TRMT112: variants seen among roughly 807,000 people sequenced by gnomAD.
TRMT112 encodes the protein multifunctional methyltransferase subunit TRM112-like protein.
TRMT112 carries 9 observed loss-of-function variants against 13.8 expected under a neutral mutation model. The observed-to-expected ratio is 0.65, with a 90% CI of 0.39 to 1.14. The LOEUF (loss-of-function observed/expected upper bound fraction) is 1.14, where lower values mean the gene tolerates loss of function less well. Ranked by LOEUF, TRMT112 falls within the 50% of genes most tolerant of loss-of-function variation. The pLI is 0.01. For synonymous variants in TRMT112, 64 were observed against 67.0 expected (o/e 0.96, Z 0.22); for missense variants, 196 against 165.5 (o/e 1.18, Z -1.01).
chr11:64,317,906 G>T, upstream of TRMT112: 17 of 1,351,528 alleles, frequency 1.3e-5, no homozygotes, highest in Non-Finnish European at 1.6e-5. Context: ...TTCGGTTAAG[G>T]GGCAGAAATA....
At chr11:64,318,174 G>A, upstream of TRMT112, 5 of 1,608,052 alleles carry the variant, frequency 3.1e-6, no homozygotes, top group Non-Finnish European at 4.2e-6. Flanking sequence ...TGCTGCGGTG[G>A]CACCAGCCAG....
chr11:64,316,609 G>C lies in TRMT112; in HGVS notation c.*252C>G. The C allele has an allele frequency of 2.1e-6, 1 of 476,946 alleles. No homozygotes were observed. The highest frequency in any genetic ancestry group is 3.8e-6 in the Non-Finnish European group (1 of 262,992). The allele number at this position is 476,946 out of a possible 1,614,324, so 29.5% of individuals were successfully genotyped here. On this transcript the variant is annotated 3_prime_UTR_variant, in exon 4 of 4. Coordinates refer to ENST00000544844, the MANE Select transcript of TRMT112 (RefSeq NM_016404.3). The stretch of plus-strand genomic sequence containing the variant: ...TTGGGTTTGGCCAGGGAGGCGCAGG[G>C]ACATGGGGCAAGCCAGGGCCCAGAG...
At chr11:64,317,917 C>T, upstream of TRMT112, 1 of 1,365,520 alleles carries the variant, frequency 7.3e-7, no homozygotes, top group East Asian at 3.0e-5. Context: ...GGCAGAAATA[C>T]CGCCCTATCT....
upstream of TRMT112, chr11:64,317,758 C>G (rs1591252134): frequency 4.0e-6 from 3 of 757,508 alleles, no homozygotes; most frequent in Non-Finnish European, 6.0e-6. Context: ...GCACGCCCAG[C>G]TTTTTTTTGC....
Position 64,317,379 on chromosome 11 carries a change from GA to G in TRMT112, c.79-15del. ...GACCTCGGTGGCCTGCAGGGCGGAG[GA>G]GTTTAGGCAAGCACTGGACCCCGGC... On this transcript the variant is annotated splice_polypyrimidine_tract_variant and intron_variant, in intron 1 of 3. Coordinates refer to ENST00000544844, the MANE Select transcript of TRMT112 (RefSeq NM_016404.3). 6.2e-7 allele frequency: 1 copy of G among 1,614,108 alleles called. No individual in the cohort carries two copies. Among genetic ancestry groups the G allele is most frequent in the South Asian group, 1.1e-5 (1 of 91,082 alleles).
rs370461838 is a variant in TRMT112, at chr11:64,317,512, G to C, written c.15C>G (p.Thr5=). 62 of 1,583,970 alleles carry C rather than the reference G, an allele frequency of 3.9e-5. No individual in the cohort carries two copies. The highest frequency in any genetic ancestry group is 5.3e-5 in the Admixed American group (3 of 56,532). The change falls in exon 1 of 4, where the codon ACC becomes ACG. Residue 5 remains threonine (T), a synonymous_variant. Coordinates refer to ENST00000544844, the MANE Select transcript of TRMT112 (RefSeq NM_016404.3). MKLL[T]HNLLSSHVRG... ...GCACATGCGAGCTCAGCAGATTGTG[G>C]GTAAGCAGTTTCATGTCGCCGCACA...
At chr11:64,318,217 T>A, upstream of TRMT112, 1 of 1,611,478 alleles carries the variant, frequency 6.2e-7, no homozygotes, top group Non-Finnish European at 8.5e-7. Context: ...GGGGCGGGTA[T>A]GGGACTAGCT....
At chr11:64,318,184 G>A, upstream of TRMT112, 2 of 1,609,906 alleles carry the variant, frequency 1.2e-6, no homozygotes, top group Non-Finnish European at 1.7e-6. Context: ...GCACCAGCCA[G>A]GAGGCGGAGT....
At chr11:64,317,222 C>G (rs750210481) in intron 2 of TRMT112, 42 bp downstream of exon 2, 4 of 1,608,560 alleles carry the variant, frequency 2.5e-6, no homozygotes, top group Non-Finnish European at 3.4e-6. Flanking sequence ...GTGCCCGCCC[C>G]GCATTCCCCG....
At chr11:64,318,280 G>A (rs1464295637), upstream of TRMT112, 1 of 1,612,514 alleles carries the variant, frequency 6.2e-7, no homozygotes, top group Non-Finnish European at 8.5e-7. Flanking sequence ...GGTGGGGCCG[G>A]CGGTCAGTCT....
At position 64,317,311 on chromosome 11, in the gene TRMT112, T is replaced by C; in HGVS notation, c.133A>G (p.Met45Val). Residue 45 changes from methionine to valine, a missense_variant, in exon 2 of 4, where the codon ATG becomes GTG. Coordinates refer to ENST00000544844, the MANE Select transcript of TRMT112 (RefSeq NM_016404.3). ...VEFNPNFVARMIPKVEWSAFL... is the reference protein window; with the variant it reads ...VEFNPNFVARVIPKVEWSAFL... ...GCCGACCACTCCACTTTAGGTATCA[T>C]ACGCGCCACGAAGTTGGGGTTGAAT... is the stretch of plus-strand genomic sequence containing the variant. 1 of 1,614,058 alleles carries C rather than the reference T, an allele frequency of 6.2e-7. No homozygotes were observed. The highest frequency in any genetic ancestry group is 1.3e-5 in the African/African-American group (1 of 75,020).
chr11:64,318,146 C>T (rs761979554), upstream of TRMT112: 25 of 1,592,692 alleles, frequency 1.6e-5, no homozygotes, highest in South Asian at 4.5e-5. Flanking sequence ...GCCGCTGTGC[C>T]GCTAGCGGTG....
chr11:64,317,209 G>A, intron 2 of TRMT112, 55 bp downstream of exon 2: 5 of 1,610,090 alleles, frequency 3.1e-6, no homozygotes, highest in Non-Finnish European at 4.2e-6. Context: ...GCCCGGCTGA[G>A]GTGTGCCCGC....
upstream of TRMT112, chr11:64,317,580 G>A (rs2035337264): frequency 1.4e-6 from 2 of 1,475,728 alleles, no homozygotes; most frequent in East Asian, 2.5e-5. Flanking sequence ...GTCCTCCGCT[G>A]CCTCACTTCC....
upstream of TRMT112, chr11:64,318,419 C>G (rs755497893): frequency 6.3e-7 from 1 of 1,579,874 alleles, no homozygotes; most frequent in South Asian, 1.1e-5. Flanking sequence ...CTGACATCCC[C>G]CACTACCCCC....
chr11:64,318,496 C>A (rs750427992), upstream of TRMT112: 3 of 1,384,516 alleles, frequency 2.2e-6, no homozygotes, highest in Non-Finnish European at 2.9e-6. Context: ...CCCCTCCCCT[C>A]CGCCCGCCCG....
chr11:64,317,182 C>G, intron 2 of TRMT112, 35 bp from the exon 3 acceptor site: 1 of 1,612,354 alleles, frequency 6.2e-7, no homozygotes, highest in Non-Finnish European at 8.5e-7. Flanking sequence ...CTCCGGGCAT[C>G]CCGAACTCCC....
In TRMT112 at chr11:64,316,823, T is replaced by C. The variant is rs774175841; in HGVS notation, c.*38A>G. On this transcript the variant is annotated 3_prime_UTR_variant, in exon 4 of 4. Coordinates refer to ENST00000544844, the MANE Select transcript of TRMT112 (RefSeq NM_016404.3). ...GAAACAGGGTATAGATCAACAAAAA[T>C]ACACAGTCATAACAAGAAAAACTGG... 19 of 1,417,082 alleles carry C rather than the reference T, an allele frequency of 1.3e-5. No homozygotes were observed. Among genetic ancestry groups the C allele is most frequent in the Non-Finnish European group, 1.9e-5 (19 of 1,002,086 alleles). The allele number at this position is 1,417,082 out of a possible 1,614,324, so 87.8% of individuals were successfully genotyped here. A position where few individuals can be genotyped will look rare whatever the true frequency, so the allele number is the denominator to read the frequency against.
chr11:64,317,794 C>T, upstream of TRMT112: 2 of 781,766 alleles, frequency 2.6e-6, no homozygotes, highest in Non-Finnish European at 3.8e-6. Flanking sequence ...AGATGCAAAT[C>T]ATATGCAAAA....
Sources: allele counts gnomAD v4.1 joint callset, GRCh38; gene constraint gnomAD v4.1.1; transcripts MANE v1.5; gene names NCBI Gene and HGNC (gene_info 2026-07-23, HGNC 2026-07-21).